Variants in EIF3A observed in about 807,000 individuals in gnomAD.
EIF3A encodes eukaryotic translation initiation factor 3 subunit A, also known as EIF3, p180 subunit.
Under a neutral mutation model 186.6 loss-of-function variants are expected in EIF3A, and 21 were observed. That is an observed-to-expected ratio of 0.11 (90% CI 0.08 to 0.16). EIF3A has a LOEUF of 0.16. Among genes scored for constraint, EIF3A ranks in the 10% least tolerant of loss-of-function variants. The pLI, the probability that EIF3A is intolerant of heterozygous loss-of-function variation, is 1.00. For missense variants in EIF3A, 1,306 were observed against 1,796.3 expected, an observed-to-expected ratio of 0.73 and a Z score of 4.93; for synonymous variants, 563 against 584.3, an observed-to-expected ratio of 0.96 and a Z score of 0.52.
Position 119,044,027 on chromosome 10 carries a change from G to A in EIF3A, c.2747+27C>T, listed in dbSNP as rs116819503. Reference sequence around the variant, plus strand: ...ATAAGATATTAACAGGAACTGGAGCGGCATTATTTTCCTCAACTCTACTTA... The same window carrying A: ...ATAAGATATTAACAGGAACTGGAGCAGCATTATTTTCCTCAACTCTACTTA... On this transcript the variant is annotated intron_variant, in intron 18 of 21. Transcript: ENST00000369144. 822 of 1,490,264 alleles carry A rather than the reference G, an allele frequency of 5.5e-4. 2 individuals carry two copies. The African/African-American group carries it at 9.6e-3, about 17-fold the overall frequency. 92.3% of individuals were successfully genotyped at this position (1,490,264 alleles called of 1,614,324 possible).
chr10:119,042,675 A>T lies in EIF3A; in HGVS notation c.2845T>A (p.Ser949Thr), dbSNP rs777796020. 80 of 1,613,976 alleles carry T rather than the reference A, an allele frequency of 5.0e-5. No individual in the cohort carries two copies. Among genetic ancestry groups the T allele is most frequent in the Non-Finnish European group, 6.4e-5 (76 of 1,180,034 alleles). ...RLGDDEDREP[S>T]LRPDDDRVPR... ...ACCCGATCATCGTCTGGTCTAAGAG[A>T]GGGCTCTCTATCTTCATCATCCCCC... Residue 949 changes from serine (S) to threonine (T), a missense_variant, in exon 19 of 22, where the codon TCT becomes ACT. This residue lies in a region of EIF3A where 410 missense variants were observed against 473.5 expected (regional missense o/e 0.87). Transcript: ENST00000369144. This position sits in a 1 kb window ranked among gnomAD's most constrained non-coding sequence, Gnocchi z 7.8.
At chr10:119,065,860 T>TA (rs1203468566) in intron 6 of EIF3A, among the ~76,000 whole-genome samples, 2 of 152,206 alleles carry the variant, frequency 1.3e-5, no homozygotes, top group Admixed American at 1.3e-4. Context: ...CTCACGCCTG[T>TA]AATCCCAGCA....
intron 1 of EIF3A, among the ~76,000 whole-genome samples, chr10:119,077,636 G>T (rs11198758): frequency 0.035 from 5,285 of 150,528 alleles, 125 homozygotes; most frequent in Admixed American, 0.059. Context: ...CTCACTGCAA[G>T]CTCCACCTCC....
chr10:119,053,115 G>C (rs1589689204), intron 14 of EIF3A, among the ~76,000 whole-genome samples: 1 of 150,856 alleles, frequency 6.6e-6, no homozygotes, highest in South Asian at 2.1e-4. Flanking sequence ...TTTTTTTTTT[G>C]AGCAGTAGGT....
At chr10:119,038,468 T>TA in intron 19 of EIF3A, 29 bp from the exon 20 acceptor site, 1 of 1,554,306 alleles carries the variant, frequency 6.4e-7, no homozygotes. Flanking sequence ...AAAACATTTT[T>TA]AAAATATTTT....
chr10:119,051,230 C>A lies in EIF3A; in HGVS notation c.2288G>T (p.Arg763Leu). Residue 763 changes from arginine to leucine, a missense_variant, in exon 15 of 22, where the codon CGA becomes CTA. By Grantham distance (102) the Arg-to-Leu change is moderately radical. Around this residue, in one of 8 missense-constraint regions of EIF3A, gnomAD observed 410 missense variants for 473.5 expected, o/e 0.87. Transcript: ENST00000369144. ...AACAGACTGCCGTGCAGCTTTGAGT[C>A]GCATTACGAATAAATCTCTGTCTTC... ...MLEDRDLFVMRLKAARQSVYE... is the reference protein window; with the variant it reads ...MLEDRDLFVMLLKAARQSVYE... 6.2e-7 allele frequency: 1 copy of A among 1,610,896 alleles called. No individual in the cohort carries two copies. Among genetic ancestry groups the A allele is most frequent in the Non-Finnish European group, 8.5e-7 (1 of 1,179,246 alleles).
intron 1 of EIF3A, among the ~76,000 whole-genome samples, chr10:119,074,724 G>A (rs929465253): frequency 3.3e-5 from 5 of 151,224 alleles, no homozygotes; most frequent in Non-Finnish European, 5.9e-5. Flanking sequence ...ACTTGAGGTT[G>A]GGAGTTCAAG....
At chr10:119,050,316 T>C (rs1848339216) in intron 16 of EIF3A, among the ~76,000 whole-genome samples, 1 of 152,202 alleles carries the variant, frequency 6.6e-6, no homozygotes, top group South Asian at 2.1e-4. Context: ...TATTAATTTC[T>C]AGAAGAACAT....
chr10:119,044,330 A>T (rs772653186), intron 17 of EIF3A, among the ~76,000 whole-genome samples, 188 bp from the exon 18 acceptor site: 8 of 147,456 alleles, frequency 5.4e-5, no homozygotes, highest in Non-Finnish European at 8.8e-5. Context: ...GTAGTCTCAT[A>T]TATTGTAGGT....
In EIF3A at chr10:119,059,607, A is replaced by G; in HGVS notation, c.1438T>C (p.Leu480=). The change falls in exon 10 of 22, where the codon TTG becomes CTG. Residue 480 remains leucine (L), a synonymous_variant. Transcript: ENST00000369144. ...TCCTTACAGCACATACCTACCTGCA[A>G]GTCGCAATGCCTGGCTGCATCTACT... ...AIVDAARHCD[L]QVRIDHTSRT... 1 of 1,612,716 alleles carries G rather than the reference A, an allele frequency of 6.2e-7. No individual in the cohort carries two copies. Among genetic ancestry groups the G allele is most frequent in the Non-Finnish European group, 8.5e-7 (1 of 1,178,634 alleles).
intron 6 of EIF3A, among the ~76,000 whole-genome samples, chr10:119,066,039 C>G (rs746295401): frequency 5.3e-5 from 8 of 151,688 alleles, no homozygotes; most frequent in Non-Finnish European, 7.4e-5. Context: ...TCGCATGAAC[C>G]CGGGAGGCGG....
At chr10:119,069,054 T>C (rs1466302862) in intron 6 of EIF3A, among the ~76,000 whole-genome samples, 2 of 152,272 alleles carry the variant, frequency 1.3e-5, no homozygotes, top group South Asian at 2.1e-4. Flanking sequence ...TCCACCTCTA[T>C]GTGGATAGAA....
intron 7 of EIF3A, among the ~76,000 whole-genome samples, chr10:119,061,893 T>C (rs1289931382): frequency 6.6e-6 from 1 of 152,006 alleles, no homozygotes; most frequent in Non-Finnish European, 1.5e-5. Context: ...GAATATGTCA[T>C]TTTTTTTAGG....
In EIF3A at chr10:119,052,368, T is replaced by TTGTGTGTGTGTG. The variant is rs61029991; in HGVS notation, c.2197-1059_2197-1048dup. 6.9e-3 allele frequency among the ~76,000 whole-genome samples: 850 copies of TTGTGTGTGTGTG among 123,046 alleles called. 34 individuals are homozygous for TTGTGTGTGTGTG. The highest frequency in any genetic ancestry group is 0.015 in the East Asian group (63 of 4,104). The allele number at this position is 123,046 out of a possible 152,430, so 80.7% of individuals were successfully genotyped here. On this transcript the variant is annotated intron_variant, in intron 14 of 21. Coordinates refer to ENST00000369144, the MANE Select transcript of EIF3A (RefSeq NM_003750.4). The stretch of plus-strand genomic sequence containing the variant: ...CTTCAGGTTATAGTCTTTTTTGGTT[T>TTGTGTGTGTGTG]TGTGTGTGTGTGTGTGTGTGTGTGT...
chr10:119,076,536 A>G (rs1325936213), intron 1 of EIF3A, among the ~76,000 whole-genome samples: 1 of 117,614 alleles, frequency 8.5e-6, no homozygotes, highest in African/African-American at 3.5e-5. Flanking sequence ...ATAACTAGAT[A>G]TTTTGTTGAA....
intron 9 of EIF3A, 113 bp from the exon 10 acceptor site, chr10:119,059,831 G>C (rs1315156681): frequency 1.3e-5 from 10 of 764,802 alleles, no homozygotes; most frequent in Non-Finnish European, 2.3e-5. Flanking sequence ...ATTTATGTTA[G>C]CAGTACATTG....
rs1340782409 is a variant in EIF3A, at chr10:119,069,621, G to A, written c.775C>T (p.Leu259=). The A allele has an allele frequency of 1.3e-6, 2 of 1,592,642 alleles. No individual in the cohort carries two copies. Among genetic ancestry groups the A allele is most frequent in the South Asian group, 2.2e-5 (2 of 90,646 alleles). ...AFKAVEDIHG[L]FSLSKKPPKP... is the part of the protein sequence containing the mutation. ...GGTGGTTTTTTAGACAAGGAGAATA[G>A]CCCGTGAATATCTTCCACAGCTTTG... Residue 259 remains leucine (L), a synonymous_variant, in exon 6 of 22, where the codon CTA becomes TTA. Coordinates refer to ENST00000369144, the MANE Select transcript of EIF3A (RefSeq NM_003750.4).
In EIF3A at chr10:119,051,336, A is replaced by G. The variant is rs368369093; in HGVS notation, c.2197-15T>C. 13 of 1,562,182 alleles carry G rather than the reference A, an allele frequency of 8.3e-6. No individual in the cohort carries two copies. The African/African-American group carries it at 1.7e-4, about 20-fold the overall frequency. ...ATTGTAGTAATCTGCAAGTACAAAT[A>G]TTGTGAAATTTCAATGCACTTTTTT... On this transcript the variant is annotated splice_polypyrimidine_tract_variant and intron_variant, in intron 14 of 21. Coordinates refer to ENST00000369144, the MANE Select transcript of EIF3A (RefSeq NM_003750.4).
intron 8 of EIF3A, 53 bp from the exon 9 acceptor site, chr10:119,060,897 T>A: frequency 1.8e-6 from 2 of 1,133,994 alleles, no homozygotes; most frequent in Non-Finnish European, 2.6e-6. Flanking sequence ...TAAGAGATAC[T>A]AAAACATCTA....
Sources: gnomAD v4.1 joint callset for allele counts (sites outside exome capture counted in the v4.1 genomes callset) on GRCh38, gnomAD v4.1.1 for gene constraint, gnomAD v4.1.1 regional missense constraint, Gnocchi (gnomAD v3.1) non-coding constraint, MANE v1.5 for transcripts, NCBI Gene and HGNC (gene_info 2026-07-23, HGNC 2026-07-21) for gene names.